LYST: variants seen among roughly 807,000 people sequenced by gnomAD.
LYST encodes lysosomal-trafficking regulator.
In LYST, 192 loss-of-function variants were observed where a neutral mutation model predicts 413.6. The observed-to-expected ratio is 0.46, with a 90% CI of 0.41 to 0.52. The LOEUF (loss-of-function observed/expected upper bound fraction) is 0.52. Ranked by LOEUF, LYST falls within the 20% of genes least tolerant of loss-of-function variation. The probability of loss-of-function intolerance (pLI) is 0.00; values close to 1 mark genes in which losing one functional copy is unlikely to be tolerated. For synonymous variants in LYST, 1,525 were observed against 1,567.3 expected (o/e 0.97, Z 0.64); for missense variants, 3,815 against 4,499.9 (o/e 0.85, Z 4.35).
intron 30 of LYST, 23 bp from the exon 31 acceptor site, chr1:235,741,651 T>C (rs1263426797): frequency 6.4e-7 from 1 of 1,555,012 alleles, no homozygotes; most frequent in Non-Finnish European, 8.9e-7. Flanking sequence ...AAGATAGGAA[T>C]GAATTAGGAT....
At chr1:235,733,957 T>A in intron 32 of LYST, 51 bp from the exon 33 acceptor site, 1 of 928,798 alleles carries the variant, frequency 1.1e-6, no homozygotes, top group Non-Finnish European at 1.6e-6. Flanking sequence ...ATTTCTCACC[T>A]AACATTGTCA....
At chr1:235,791,435 C>T (rs961466661) in intron 12 of LYST, 9 of 434,268 alleles carry the variant, frequency 2.1e-5, no homozygotes, top group Admixed American at 1.8e-4. Flanking sequence ...ACATAAGGAA[C>T]TTTAGGGGCT....
chr1:235,841,494 T>A lies in LYST; in HGVS notation c.-97-7827A>T, dbSNP rs535060217. 9.2e-5 allele frequency among the ~76,000 whole-genome samples: 14 copies of A among 152,304 alleles called. 1 individual carries two copies. The highest frequency in any genetic ancestry group is 3.4e-4 in the African/African-American group (14 of 41,578). ...CTTAAAATCATCATGGTGAGAGTAT[T>A]TCCATCATGGAAATGGGCAAATGCT... On this transcript the variant is annotated intron_variant, in intron 1 of 52. Coordinates refer to ENST00000389793, the MANE Select transcript of LYST (RefSeq NM_000081.4).
At chr1:235,858,728 C>A (rs1165738841) in intron 1 of LYST, among the ~76,000 whole-genome samples, 1 of 152,186 alleles carries the variant, frequency 6.6e-6, no homozygotes, top group Non-Finnish European at 1.5e-5. Context: ...ACCCCCTACT[C>A]AAGTTTTCCA....
At chr1:235,669,649 G>A (rs768142892) in intron 50 of LYST, among the ~76,000 whole-genome samples, 2 of 152,212 alleles carry the variant, frequency 1.3e-5, no homozygotes, top group Non-Finnish European at 1.5e-5. Flanking sequence ...TTCACATGAC[G>A]TGAGCATAAA....
At chr1:235,874,208 C>G (rs575808124) in intron 1 of LYST, among the ~76,000 whole-genome samples, 1 of 152,334 alleles carries the variant, frequency 6.6e-6, no homozygotes, top group Non-Finnish European at 1.5e-5. Context: ...GTCTCCAACT[C>G]TACCTAGTCC....
chr1:235,804,511 G>A lies in LYST; in HGVS notation c.3548C>T (p.Thr1183Ile). The change falls in exon 7 of 53, where the codon ACT becomes ATT. Residue 1183 changes from threonine to isoleucine, a missense_variant. Thr to Ile is a moderately conservative substitution (Grantham distance 89). Around this residue, in one of 4 missense-constraint regions of LYST, gnomAD observed 1,648 missense variants for 1,810.3 expected, o/e 0.91. Transcript: ENST00000389793. ...SADFEHNDAM[T>I]EKSHQSAEEL... ...ATATGTTGTTATTCATACCTTCTCA[G>A]TCATAGCATCATTATGTTCAAAATC... 6.2e-7 allele frequency: 1 copy of A among 1,613,158 alleles called. No homozygotes were observed. Among genetic ancestry groups the A allele is most frequent in the Non-Finnish European group, 8.5e-7 (1 of 1,179,156 alleles).
intron 1 of LYST, among the ~76,000 whole-genome samples, chr1:235,845,366 T>C (rs2103068191): frequency 6.6e-6 from 1 of 152,270 alleles, no homozygotes; most frequent in South Asian, 2.1e-4. Context: ...AGCCCATTCC[T>C]GCCTGGCACC....
At chr1:235,753,330 T>A in intron 25 of LYST, 56 bp from the exon 26 acceptor site, 1 of 1,074,348 alleles carries the variant, frequency 9.3e-7, no homozygotes, top group Non-Finnish European at 1.4e-6. Context: ...AATAAGAAAA[T>A]ATGATAGCAA....
intron 34 of LYST, 71 bp downstream of exon 34, chr1:235,733,432 A>G (rs1371267631): frequency 1.5e-6 from 2 of 1,324,800 alleles, no homozygotes; most frequent in African/African-American, 2.9e-5. Flanking sequence ...ATTCCGGAAT[A>G]CAAATTCCGT....
chr1:235,804,436 G>C, intron 7 of LYST, 68 bp downstream of exon 7: 1 of 1,228,936 alleles, frequency 8.1e-7, no homozygotes, highest in Non-Finnish European at 1.2e-6. Context: ...CAGCGTCCTA[G>C]TGTCATCCCA....
At chr1:235,878,796 G>T (rs908226148) in intron 1 of LYST, among the ~76,000 whole-genome samples, 7 of 152,168 alleles carry the variant, frequency 4.6e-5, no homozygotes, top group Non-Finnish European at 7.3e-5. Flanking sequence ...TTTGCTAATT[G>T]TTGGAAACCT....
intron 3 of LYST, among the ~76,000 whole-genome samples, chr1:235,814,375 G>A (rs1270921018): frequency 1.3e-5 from 2 of 152,150 alleles, no homozygotes; most frequent in Non-Finnish European, 2.9e-5. Flanking sequence ...GAAGATATGT[G>A]AATTTTCCCA....
Position 235,810,914 on chromosome 1 carries a change from C to T in LYST, c.284-380G>A, listed in dbSNP as rs138712263. On this transcript the variant is annotated intron_variant, in intron 4 of 52. Coordinates refer to ENST00000389793, the MANE Select transcript of LYST (RefSeq NM_000081.4). ...ATCCCAGCACTTTGGGAGACTGAGG[C>T]GGGTGGGATCACTTGAGGTCAAGAG... is the stretch of plus-strand genomic sequence containing the variant. Among the ~76,000 whole-genome samples, 211 of 152,238 alleles carry T rather than the reference C, an allele frequency of 1.4e-3. 4 individuals carry two copies. In the East Asian group the frequency reaches 0.034, roughly 25 times the overall value.
chr1:235,664,725 T>C lies in LYST; in HGVS notation c.11039-104A>G. The C allele has an allele frequency of 2.1e-6, 2 of 964,428 alleles. No homozygotes were observed. Among genetic ancestry groups the C allele is most frequent in the Non-Finnish European group, 3.3e-6 (2 of 606,046 alleles). 59.7% of individuals were successfully genotyped at this position (964,428 alleles called of 1,614,324 possible). On this transcript the variant is annotated intron_variant, in intron 50 of 52. Transcript: ENST00000389793. This position sits in a 1 kb window ranked among gnomAD's most constrained non-coding sequence, Gnocchi z 4.5. ...CTGAAGGGCAAGCTCATTTGTTTAT[T>C]GATGAAGTTTGTAGACAACCCATGA... is the stretch of plus-strand genomic sequence containing the variant.
chr1:235,844,769 G>T (rs531168039), intron 1 of LYST, among the ~76,000 whole-genome samples: 1 of 152,004 alleles, frequency 6.6e-6, no homozygotes, highest in African/African-American at 2.4e-5. Flanking sequence ...GGACCAAAGA[G>T]GGGGAGGGGG....
At chr1:235,729,533 A>T (rs1442850065) in intron 37 of LYST, 63 bp downstream of exon 37, 2 of 1,106,572 alleles carry the variant, frequency 1.8e-6, no homozygotes, top group Non-Finnish European at 2.8e-6. Context: ...AAACACTTTA[A>T]ATAATCTAAG....
intron 38 of LYST, among the ~76,000 whole-genome samples, 174 bp downstream of exon 38, chr1:235,727,902 C>T (rs1295818129): frequency 6.6e-6 from 1 of 152,082 alleles, no homozygotes; most frequent in Non-Finnish European, 1.5e-5. Flanking sequence ...GGAGATGGTA[C>T]AGTCTTCTTT....
At chr1:235,776,297 C>A (rs1423122983) in intron 17 of LYST, among the ~76,000 whole-genome samples, 1 of 152,114 alleles carries the variant, frequency 6.6e-6, no homozygotes, top group Non-Finnish European at 1.5e-5. Flanking sequence ...CTAACAACAA[C>A]AAACGCTGAT....
Sources: allele counts gnomAD v4.1 joint callset (sites outside exome capture counted in the v4.1 genomes callset), GRCh38; gene constraint gnomAD v4.1.1; regional missense constraint gnomAD v4.1.1; non-coding constraint Gnocchi (gnomAD v3.1); transcripts MANE v1.5; gene names NCBI Gene and HGNC (gene_info 2026-07-23, HGNC 2026-07-21).